GRID1: variants seen among roughly 807,000 people sequenced by gnomAD.
GRID1 encodes glutamate ionotropic receptor delta type subunit 1.
GRID1 carries 28 observed loss-of-function variants against 98.0 expected under a neutral mutation model. That is an observed-to-expected ratio of 0.29 (90% CI 0.21 to 0.39). The LOEUF is 0.39. Among genes scored for constraint, GRID1 ranks in the 10% least tolerant of loss-of-function variants. The probability of loss-of-function intolerance (pLI) is 1.00; values close to 1 mark genes in which losing one functional copy is unlikely to be tolerated. For synonymous variants in GRID1, 553 were observed against 538.5 expected, an observed-to-expected ratio of 1.03 and a Z score of -0.37; for missense variants, 1,111 against 1,340.5, an observed-to-expected ratio of 0.83 and a Z score of 2.67.
At chr10:85,746,091 T>C (rs1215791562) in intron 8 of GRID1, among the ~76,000 whole-genome samples, 1 of 152,224 alleles carries the variant, frequency 6.6e-6, no homozygotes, top group African/African-American at 2.4e-5. Context: ...CTTACCTTCA[T>C]ATATTGATTG....
At chr10:85,849,418 G>A (rs954798067) in intron 8 of GRID1, among the ~76,000 whole-genome samples, 2 of 152,172 alleles carry the variant, frequency 1.3e-5, no homozygotes, top group Non-Finnish European at 2.9e-5. Flanking sequence ...TAGAAGAAGC[G>A]TCTTAAACTA....
intron 2 of GRID1, among the ~76,000 whole-genome samples, chr10:86,328,114 A>G (rs1181756055): frequency 1.3e-5 from 2 of 152,252 alleles, no homozygotes; most frequent in African/African-American, 2.4e-5. Flanking sequence ...TCACCAAGAC[A>G]TTGGTGCATG....
chr10:85,871,927 C>G (rs1286701726), intron 5 of GRID1, among the ~76,000 whole-genome samples: 1 of 152,194 alleles, frequency 6.6e-6, no homozygotes, highest in Non-Finnish European at 1.5e-5. Context: ...AACTGTATTT[C>G]AGACAAAAGT....
At chr10:85,742,500 T>G (rs1026612516) in intron 8 of GRID1, among the ~76,000 whole-genome samples, 1 of 152,222 alleles carries the variant, frequency 6.6e-6, no homozygotes, top group Non-Finnish European at 1.5e-5. Context: ...GCACTACCTT[T>G]CTTTCAAGGT....
At chr10:85,615,171 G>C (rs146887880) in intron 14 of GRID1, among the ~76,000 whole-genome samples, 124 of 152,290 alleles carry the variant, frequency 8.1e-4, no homozygotes, top group African/African-American at 2.9e-3. Context: ...GGAGACAAGA[G>C]CCACAACCCT....
chr10:86,333,220 T>A (rs914983086), intron 2 of GRID1, among the ~76,000 whole-genome samples: 1 of 152,166 alleles, frequency 6.6e-6, no homozygotes, highest in African/African-American at 2.4e-5. Flanking sequence ...CCATCTCTTA[T>A]CTCTCATCTT....
chr10:85,780,212 G>A (rs1221603263), intron 8 of GRID1, among the ~76,000 whole-genome samples: 1 of 152,186 alleles, frequency 6.6e-6, no homozygotes, highest in Non-Finnish European at 1.5e-5. Flanking sequence ...AGGAGGATCT[G>A]CGAGGCCACT....
intron 12 of GRID1, among the ~76,000 whole-genome samples, chr10:85,666,423 G>T (rs1246495327): frequency 6.6e-6 from 1 of 152,174 alleles, no homozygotes; most frequent in Non-Finnish European, 1.5e-5. Flanking sequence ...CTTTGAAAGG[G>T]CCATTTCTTG....
chr10:85,749,037 T>C (rs1429423329), intron 8 of GRID1, among the ~76,000 whole-genome samples: 4 of 152,306 alleles, frequency 2.6e-5, no homozygotes, highest in Admixed American at 6.5e-5. Flanking sequence ...TATCTATTAC[T>C]ACCTCCCAAA....
intron 4 of GRID1, among the ~76,000 whole-genome samples, chr10:85,975,839 A>C (rs1589320732): frequency 6.6e-6 from 1 of 152,202 alleles, no homozygotes; most frequent in Admixed American, 6.5e-5. Flanking sequence ...AAAAAGGACA[A>C]TAGTGGTTTC....
intron 3 of GRID1, among the ~76,000 whole-genome samples, chr10:86,149,690 T>C (rs1231345490): frequency 1.3e-5 from 2 of 152,264 alleles, no homozygotes; most frequent in Non-Finnish European, 2.9e-5. Flanking sequence ...AAGTAAATTA[T>C]GCCAAGTAAC....
chr10:86,052,097 T>C (rs979686439), intron 4 of GRID1, among the ~76,000 whole-genome samples: 3 of 152,188 alleles, frequency 2.0e-5, no homozygotes, highest in Admixed American at 6.5e-5. Context: ...AATAAACTAC[T>C]GTGCACCTGA....
intron 3 of GRID1, among the ~76,000 whole-genome samples, chr10:86,196,364 G>A (rs1209768807): frequency 6.6e-6 from 1 of 151,986 alleles, no homozygotes; most frequent in Non-Finnish European, 1.5e-5. Context: ...TAAGAAAAAC[G>A]AGAAATGGTC....
At chr10:85,763,562 A>G (rs1842169212) in intron 8 of GRID1, among the ~76,000 whole-genome samples, 1 of 152,246 alleles carries the variant, frequency 6.6e-6, no homozygotes, top group East Asian at 1.9e-4. Flanking sequence ...TTCAAGTGAC[A>G]AAACATGACC....
chr10:86,354,991 C>T (rs1370018542), intron 2 of GRID1, among the ~76,000 whole-genome samples: 12 of 152,216 alleles, frequency 7.9e-5, no homozygotes, highest in Non-Finnish European at 1.8e-4. Flanking sequence ...TGGGAACCTG[C>T]TCACACTGCC....
chr10:85,848,938 G>A (rs190483049), intron 8 of GRID1, among the ~76,000 whole-genome samples: 24 of 152,108 alleles, frequency 1.6e-4, no homozygotes, highest in Non-Finnish European at 2.9e-4. Flanking sequence ...TCTCTTCTGC[G>A]ACTCACTGTG....
intron 2 of GRID1, among the ~76,000 whole-genome samples, chr10:86,256,629 T>C (rs903725158): frequency 6.6e-6 from 1 of 152,170 alleles, no homozygotes; most frequent in Non-Finnish European, 1.5e-5. Context: ...TATATGTATA[T>C]ATAATTCACA....
At chr10:85,773,605 T>A (rs1262802660) in intron 8 of GRID1, among the ~76,000 whole-genome samples, 1 of 152,198 alleles carries the variant, frequency 6.6e-6, no homozygotes, top group African/African-American at 2.4e-5. Context: ...CTCCTTAAGC[T>A]GATAAGCAAC....
At chr10:86,019,878 G>A (rs1843027503) in intron 4 of GRID1, among the ~76,000 whole-genome samples, 2 of 152,256 alleles carry the variant, frequency 1.3e-5, no homozygotes, top group Admixed American at 6.5e-5. Context: ...GCAGCAGCCA[G>A]CTCACTGGCA....
Sources: allele counts gnomAD v4.1 joint callset (sites outside exome capture counted in the v4.1 genomes callset), GRCh38; gene constraint gnomAD v4.1.1; transcripts MANE v1.5; gene names NCBI Gene and HGNC (gene_info 2026-07-23, HGNC 2026-07-21).